Variants in TMEM222 observed in about 807,000 individuals in gnomAD.
The protein encoded by TMEM222 is chromosome 1 open reading frame 160.
TMEM222 carries 18 observed loss-of-function variants against 25.1 expected under a neutral mutation model. That is an observed-to-expected ratio of 0.72 (90% CI 0.50 to 1.06). TMEM222 has a LOEUF of 1.06. TMEM222 is among the 50% of genes least tolerant of loss of function. The pLI, the probability that TMEM222 is intolerant of heterozygous loss-of-function variation, is 0.00. For missense variants in TMEM222, 296 were observed against 293.7 expected, an observed-to-expected ratio of 1.01 and a Z score of -0.06; for synonymous variants, 131 against 117.9, an observed-to-expected ratio of 1.11 and a Z score of -0.72.
At chr1:27,325,549 A>C in intron 1 of TMEM222, 1 of 1,316,690 alleles carries the variant, frequency 7.6e-7, no homozygotes, top group Non-Finnish European at 1.1e-6. Context: ...AAAGACCTGT[A>C]CACCAACATA....
chr1:27,331,273 C>G (rs2014472378), intron 2 of TMEM222: 2 of 539,056 alleles, frequency 3.7e-6, no homozygotes, highest in Non-Finnish European at 2.4e-6. Flanking sequence ...CAAGACTGGT[C>G]CAGTGGGCTA....
intron 1 of TMEM222, chr1:27,325,329 T>C: frequency 1.4e-6 from 1 of 729,800 alleles, no homozygotes; most frequent in South Asian, 1.4e-5. Flanking sequence ...TATTTTTGTC[T>C]CCCTGGACTT....
At chr1:27,334,109 TC>T in intron 4 of TMEM222, 41 bp from the exon 5 acceptor site, 1 of 1,613,830 alleles carries the variant, frequency 6.2e-7, no homozygotes, top group Non-Finnish European at 8.5e-7. Context: ...GGGGGGAGGC[TC>T]CCCTGCAGCC....
At chr1:27,334,627 A>G in intron 5 of TMEM222, 1 of 1,437,608 alleles carries the variant, frequency 7.0e-7, no homozygotes, top group African/African-American at 1.4e-5. Flanking sequence ...TGCTCCGGTA[A>G]AGTGAGCAGA....
Position 27,322,169 on chromosome 1 carries a change from G to C in TMEM222, c.-29G>C. ...CATGGGGACGAGCGGCACCAGAGCC[G>C]GGGCCAGTCGGAGCGGGGCGCGCGC... On this transcript the variant is annotated 5_prime_UTR_variant, in exon 1 of 6. Transcript: ENST00000374076. The C allele has an allele frequency of 7.3e-7, 1 of 1,364,138 alleles. No individual in the cohort carries two copies. The highest frequency in any genetic ancestry group is 1.7e-5 in the South Asian group (1 of 58,144). The allele number at this position is 1,364,138 out of a possible 1,614,324, so 84.5% of individuals were successfully genotyped here.
At chr1:27,333,566 G>A (rs1350591127) in intron 3 of TMEM222, 4 of 426,922 alleles carry the variant, frequency 9.4e-6, no homozygotes, top group Non-Finnish European at 1.9e-5. Flanking sequence ...ACGTGGTGGA[G>A]GGGTGAGGGG....
rs750229625 is a variant in TMEM222, at chr1:27,322,323, C to T, written c.126C>T (p.Gly42=). The change falls in exon 1 of 6, where the codon GGC becomes GGT. Residue 42 remains glycine, a synonymous_variant. Coordinates refer to ENST00000374076, the MANE Select transcript of TMEM222 (RefSeq NM_032125.3). ...TDMKQYQGSG[G]VAMDVERSRF... is the part of the protein sequence containing the mutation. ...TGAAGCAATATCAAGGCTCCGGCGGCGTCGCCATGGATGTGGAACGGAGTC... is the reference window on the plus strand; with the variant it reads ...TGAAGCAATATCAAGGCTCCGGCGGTGTCGCCATGGATGTGGAACGGAGTC... 3 of 1,549,204 alleles carry T rather than the reference C, an allele frequency of 1.9e-6. No homozygotes were observed. Among genetic ancestry groups the T allele is most frequent in the Non-Finnish European group, 2.6e-6 (3 of 1,143,772 alleles).
chr1:27,325,671 T>C (rs879186623), intron 1 of TMEM222: 4 of 831,758 alleles, frequency 4.8e-6, no homozygotes, highest in Non-Finnish European at 8.6e-6. Context: ...GCCCCCAGAG[T>C]GCAAGTACTC....
At chr1:27,327,873 C>A (rs187345132) in intron 1 of TMEM222, among the ~76,000 whole-genome samples, 53 of 152,352 alleles carry the variant, frequency 3.5e-4, no homozygotes, top group African/African-American at 1.2e-3. Flanking sequence ...TTCCAAAGTG[C>A]TATGATTACA....
In TMEM222 at chr1:27,322,384, GT is replaced by G. The variant is rs899929237; in HGVS notation, c.188del (p.Val63GlyfsTer90). On this transcript the variant is annotated frameshift_variant, in exon 1 of 6. Coordinates refer to ENST00000374076, the MANE Select transcript of TMEM222 (RefSeq NM_032125.3). LOFTEE classifies it high-confidence loss of function. ...PYCVVWTPIP[V>X]LTWFFPIIGH... ...CTGCGTGGTGTGGACGCCCATCCCG[GT>G]GCTCACGTGAGTCTCTTCCGGCATC... 2 of 1,440,986 alleles carry G rather than the reference GT, an allele frequency of 1.4e-6. No individual in the cohort carries two copies. The highest frequency in any genetic ancestry group is 2.9e-5 in the African/African-American group (2 of 67,962). 89.3% of individuals were successfully genotyped at this position (1,440,986 alleles called of 1,614,324 possible).
chr1:27,331,217 A>G, intron 2 of TMEM222: 2 of 1,031,210 alleles, frequency 1.9e-6, no homozygotes, highest in African/African-American at 1.7e-5. Context: ...GTGGGGCTTT[A>G]GAATGAAGCA....
intron 1 of TMEM222, among the ~76,000 whole-genome samples, chr1:27,327,640 C>T (rs2014384492): frequency 6.6e-6 from 1 of 152,216 alleles, no homozygotes; most frequent in African/African-American, 2.4e-5. Context: ...CCACCGGCCT[C>T]TGCCTCCCAA....
chr1:27,325,397 G>C (rs367628098), intron 1 of TMEM222: 26 of 1,036,280 alleles, frequency 2.5e-5, no homozygotes, highest in Non-Finnish European at 4.0e-5. Context: ...ACAAGCTGCC[G>C]GATGGCCAGG....
intron 3 of TMEM222, chr1:27,332,532 T>C: frequency 2.8e-6 from 2 of 718,078 alleles, no homozygotes; most frequent in Non-Finnish European, 2.6e-6. Flanking sequence ...AAGTTCTGGT[T>C]GGAGAGAATA....
intron 1 of TMEM222, among the ~76,000 whole-genome samples, chr1:27,326,981 C>T (rs1304670712): frequency 6.6e-6 from 1 of 150,620 alleles, no homozygotes; most frequent in Non-Finnish European, 1.5e-5. Context: ...TGGTTGGACC[C>T]AGACTTCCTC....
intron 2 of TMEM222, among the ~76,000 whole-genome samples, 193 bp from the exon 3 acceptor site, chr1:27,331,877 C>T (rs376658094): frequency 3.6e-4 from 55 of 152,272 alleles, no homozygotes; most frequent in African/African-American, 1.2e-3. Context: ...TGCCACACTG[C>T]CTTCTTCCTG....
intron 1 of TMEM222, among the ~76,000 whole-genome samples, chr1:27,325,019 A>G (rs1371155539): frequency 6.6e-6 from 1 of 152,000 alleles, no homozygotes; most frequent in Non-Finnish European, 1.5e-5. Flanking sequence ...CCTTCAAAGG[A>G]CTCACCTCCA....
chr1:27,333,638 G>T (rs2014534909), intron 3 of TMEM222: 3 of 409,092 alleles, frequency 7.3e-6, no homozygotes, highest in Non-Finnish European at 1.4e-5. Context: ...TCACCCCATG[G>T]CCTAATCACC....
chr1:27,328,254 G>T (rs1318571048), intron 1 of TMEM222, among the ~76,000 whole-genome samples: 1 of 152,092 alleles, frequency 6.6e-6, no homozygotes, highest in Non-Finnish European at 1.5e-5. Flanking sequence ...CGGAGGAGAG[G>T]GCAGATACAG....
Sources: allele counts gnomAD v4.1 joint callset (sites outside exome capture counted in the v4.1 genomes callset), GRCh38; gene constraint gnomAD v4.1.1; transcripts MANE v1.5; gene names NCBI Gene and HGNC (gene_info 2026-07-23, HGNC 2026-07-21).